Variants in SLC8A1 observed in about 807,000 individuals in gnomAD.
The protein encoded by SLC8A1 is sodium/calcium exchanger 1.
A neutral mutation model predicts 68.3 loss-of-function variants in SLC8A1; 18 were observed. The observed-to-expected ratio is 0.26, with a 90% CI of 0.18 to 0.39. The LOEUF (loss-of-function observed/expected upper bound fraction) is 0.39, where lower values mean the gene tolerates loss of function less well. Ranked by LOEUF, SLC8A1 falls within the 10% of genes least tolerant of loss-of-function variation. The probability of loss-of-function intolerance (pLI) is 1.00; values close to 1 mark genes in which losing one functional copy is unlikely to be tolerated. For synonymous variants in SLC8A1, 475 were observed against 415.5 expected (o/e 1.14, Z -1.74); for missense variants, 985 against 1,156.7 (o/e 0.85, Z 2.15).
intron 1 of SLC8A1, among the ~76,000 whole-genome samples, chr2:40,500,114 T>C (rs1439643721): frequency 6.6e-6 from 1 of 151,992 alleles, no homozygotes; most frequent in Admixed American, 6.6e-5. Flanking sequence ...CCATCTTTAT[T>C]GGCCAACTTT....
At chr2:40,307,263 T>C (rs1455002350) in intron 2 of SLC8A1, among the ~76,000 whole-genome samples, 1 of 152,108 alleles carries the variant, frequency 6.6e-6, no homozygotes, top group African/African-American at 2.4e-5. Context: ...GGTTGAACTT[T>C]GGAGACATTG....
At position 40,508,132 on chromosome 2, in the gene SLC8A1, A is replaced by G. The variant is rs532696769; in HGVS notation, c.-25+4217T>C. Among the ~76,000 whole-genome samples, 17 of 152,156 alleles carry G rather than the reference A, an allele frequency of 1.1e-4. No individual in the cohort carries two copies. In the East Asian group the frequency reaches 3.1e-3, roughly 28 times the overall value. On this transcript the variant is annotated intron_variant, in intron 1 of 7. Transcript: ENST00000402441. Reference sequence around the variant, plus strand: ...AGGCAAGCTGCTGGGCAGATTAAGGAACTAGAGTTCTAATGATTATTGTGT... The same window carrying G: ...AGGCAAGCTGCTGGGCAGATTAAGGGACTAGAGTTCTAATGATTATTGTGT...
At chr2:40,378,661 C>T (rs530351155) in intron 2 of SLC8A1, among the ~76,000 whole-genome samples, 40 of 152,176 alleles carry the variant, frequency 2.6e-4, no homozygotes, top group African/African-American at 9.6e-4. Context: ...GAGAAAGCTG[C>T]CCGTCATCTG....
chr2:40,248,977 G>C (rs369251), intron 2 of SLC8A1, among the ~76,000 whole-genome samples: 1 of 152,018 alleles, frequency 6.6e-6, no homozygotes, highest in African/African-American at 2.4e-5. Flanking sequence ...GGCAGAATAA[G>C]TTTTATTTCT....
intron 2 of SLC8A1, among the ~76,000 whole-genome samples, chr2:40,359,333 T>A (rs1251019606): frequency 1.3e-5 from 2 of 152,192 alleles, no homozygotes; most frequent in Non-Finnish European, 2.9e-5. Context: ...TTTACTTTTT[T>A]AAGACGACTC....
intron 2 of SLC8A1, among the ~76,000 whole-genome samples, chr2:40,229,376 T>C (rs1281583314): frequency 6.6e-6 from 1 of 152,076 alleles, no homozygotes; most frequent in Non-Finnish European, 1.5e-5. Flanking sequence ...CAGATACCAA[T>C]CACAACTTGG....
chr2:40,403,374 C>T (rs1172780035), intron 2 of SLC8A1, among the ~76,000 whole-genome samples: 1 of 152,202 alleles, frequency 6.6e-6, no homozygotes, highest in Non-Finnish European at 1.5e-5. Context: ...AGGGAGCTTT[C>T]TCAATGGCTC....
intron 2 of SLC8A1, among the ~76,000 whole-genome samples, chr2:40,374,363 T>A (rs1322989239): frequency 6.6e-6 from 1 of 151,318 alleles, no homozygotes; most frequent in Non-Finnish European, 1.5e-5. Context: ...ATATATATAT[T>A]TATATTAAAA....
chr2:40,388,975 G>T (rs574018262), intron 2 of SLC8A1, among the ~76,000 whole-genome samples: 141 of 152,204 alleles, frequency 9.3e-4, no homozygotes, highest in Non-Finnish European at 1.9e-3. Context: ...TTTAGGAAAC[G>T]TAAGTGTTCA....
chr2:40,437,935 A>G (rs1324204011), intron 1 of SLC8A1, among the ~76,000 whole-genome samples: 1 of 152,164 alleles, frequency 6.6e-6, no homozygotes, highest in Non-Finnish European at 1.5e-5. Flanking sequence ...TGTGGAAACC[A>G]GGACCCTTCC....
At chr2:40,116,621 G>A (rs963976681) in intron 7 of SLC8A1, among the ~76,000 whole-genome samples, 5 of 152,106 alleles carry the variant, frequency 3.3e-5, no homozygotes, top group Non-Finnish European at 5.9e-5. Flanking sequence ...GTGAGGGAAC[G>A]AGGCTTAGAG....
rs6737195 is a variant in SLC8A1, at chr2:40,153,403, A to G, written c.2161+7362T>C. 7.4e-3 allele frequency among the ~76,000 whole-genome samples: 1,133 copies of G among 152,324 alleles called. 12 individuals are homozygous for G. Among genetic ancestry groups the G allele is most frequent in the African/African-American group, 0.025 (1,052 of 41,572 alleles). ...TGAACTCAAGTATCTAGAGAAGCCA[A>G]AGATTCCAACAAATAAAGAATTTAA... On this transcript the variant is annotated intron_variant, in intron 6 of 7. Coordinates refer to ENST00000406785, the Ensembl canonical transcript of SLC8A1.
chr2:40,113,458 T>C (rs2034827023), exon 8 of SLC8A1: 1 of 152,770 alleles, frequency 6.5e-6, no homozygotes, highest in African/African-American at 2.4e-5. Flanking sequence ...GGGTTAAAAA[T>C]ATCCCAGTCC....
At chr2:40,280,434 A>G (rs1290165240) in intron 2 of SLC8A1, among the ~76,000 whole-genome samples, 1 of 152,184 alleles carries the variant, frequency 6.6e-6, no homozygotes, top group Non-Finnish European at 1.5e-5. Context: ...CCATTTTTGG[A>G]TAACTATTCT....
At chr2:40,275,791 C>A (rs1285587226) in intron 2 of SLC8A1, among the ~76,000 whole-genome samples, 1 of 152,142 alleles carries the variant, frequency 6.6e-6, no homozygotes, top group Non-Finnish European at 1.5e-5. Flanking sequence ...GGGCACAAGG[C>A]AGCACTGACT....
At chr2:40,447,223 C>T (rs1338171548) in intron 1 of SLC8A1, among the ~76,000 whole-genome samples, 2 of 152,076 alleles carry the variant, frequency 1.3e-5, no homozygotes, top group African/African-American at 2.4e-5. Flanking sequence ...CAGAATGATA[C>T]AGTCGAATCT....
intron 2 of SLC8A1, among the ~76,000 whole-genome samples, chr2:40,244,659 C>G (rs1424267691): frequency 3.4e-5 from 5 of 146,990 alleles, no homozygotes; most frequent in African/African-American, 1.3e-4. Flanking sequence ...ATGATCGAGG[C>G]CTTTTCCTAC....
chr2:40,124,075 G>C (rs905661851), intron 7 of SLC8A1, among the ~76,000 whole-genome samples: 5 of 152,130 alleles, frequency 3.3e-5, no homozygotes, highest in Non-Finnish European at 7.4e-5. Flanking sequence ...TCCTATTTTA[G>C]AGATAGTAAA....
At chr2:40,204,819 A>G (rs1209791010) in intron 2 of SLC8A1, among the ~76,000 whole-genome samples, 1 of 151,928 alleles carries the variant, frequency 6.6e-6, no homozygotes, top group East Asian at 1.9e-4. Flanking sequence ...TCTTTTTTTC[A>G]TACTAAATCT....
Sources: gnomAD v4.1 joint callset for allele counts (sites outside exome capture counted in the v4.1 genomes callset) on GRCh38, gnomAD v4.1.1 for gene constraint, MANE v1.5 for transcripts, NCBI Gene and HGNC (gene_info 2026-07-23, HGNC 2026-07-21) for gene names.